Variants in LINGO2 observed in about 807,000 individuals in gnomAD.
LINGO2 encodes leucine rich repeat and Ig domain containing 2.
LINGO2 carries 14 observed loss-of-function variants against 30.6 expected under a neutral mutation model. The observed-to-expected ratio is 0.46, with a 90% CI of 0.30 to 0.72. LINGO2 has a LOEUF of 0.72. Among genes scored for constraint, LINGO2 ranks in the 30% least tolerant of loss-of-function variants. The pLI, the probability that LINGO2 is intolerant of heterozygous loss-of-function variation, is 0.07. For synonymous variants in LINGO2, 317 were observed against 288.5 expected, an observed-to-expected ratio of 1.10 and a Z score of -1.00; for missense variants, 729 against 751.7, an observed-to-expected ratio of 0.97 and a Z score of 0.35.
chr9:29,021,372 G>A, the LINGO2 span, among the ~76,000 whole-genome samples: 2 of 152,054 alleles, frequency 1.3e-5, no homozygotes, highest in Non-Finnish European at 1.5e-5. Flanking sequence ...GAAAAGCATC[G>A]ACTAGGCCAG....
chr9:28,789,407 T>C, the LINGO2 span, among the ~76,000 whole-genome samples: 1 of 152,178 alleles, frequency 6.6e-6, no homozygotes, highest in African/African-American at 2.4e-5. Context: ...TGAAATATAA[T>C]AAACAGTGTA....
chr9:28,209,255 ATAAC>A (rs1820511893), intron 4 of LINGO2, among the ~76,000 whole-genome samples: 1 of 152,042 alleles, frequency 6.6e-6, no homozygotes, highest in Non-Finnish European at 1.5e-5. Context: ...TATATATTGA[ATAAC>A]TGATATATAT....
chr9:28,719,876 G>C, the LINGO2 span, among the ~76,000 whole-genome samples: 1 of 151,888 alleles, frequency 6.6e-6, no homozygotes, highest in Non-Finnish European at 1.5e-5. Flanking sequence ...CAACTAACTT[G>C]CTTAATTATG....
At chr9:29,008,799 C>A in the LINGO2 span, among the ~76,000 whole-genome samples, 14 of 151,786 alleles carry the variant, frequency 9.2e-5, no homozygotes, top group African/African-American at 2.4e-4. Flanking sequence ...TGTAAAAAAA[C>A]GAATTCCAGC....
chr9:28,793,043 A>G, the LINGO2 span, among the ~76,000 whole-genome samples: 27 of 152,278 alleles, frequency 1.8e-4, no homozygotes, highest in Non-Finnish European at 3.2e-4. Context: ...ACCCTGCCAC[A>G]CACACCATGA....
chr9:28,045,466 A>G (rs1824377934), intron 4 of LINGO2, among the ~76,000 whole-genome samples: 1 of 152,180 alleles, frequency 6.6e-6, no homozygotes, highest in South Asian at 2.1e-4. Flanking sequence ...GTGTAATTTG[A>G]CTCTAATGCA....
chr9:28,238,868 A>T (rs974656989), intron 4 of LINGO2, among the ~76,000 whole-genome samples: 9 of 152,066 alleles, frequency 5.9e-5, no homozygotes, highest in African/African-American at 1.9e-4. Context: ...TTTTGAAAAG[A>T]TGAACAAAAT....
chr9:29,151,010 G>A, the LINGO2 span, among the ~76,000 whole-genome samples: 1 of 151,918 alleles, frequency 6.6e-6, no homozygotes, highest in South Asian at 2.1e-4. Context: ...GGCATCTAGA[G>A]AGATAGGTCA....
chr9:28,365,399 G>C (rs1415398886), intron 3 of LINGO2, among the ~76,000 whole-genome samples: 1 of 152,134 alleles, frequency 6.6e-6, no homozygotes, highest in Non-Finnish European at 1.5e-5. Flanking sequence ...ATATGACTAA[G>C]AGCTAAGAAC....
At position 28,347,736 on chromosome 9, in the gene LINGO2, C is replaced by A. The variant is rs368604701; in HGVS notation, c.-246+25100G>T. ...AATTTCTAGGGTATTACCCAGGCGT[C>A]ATTATTATTTTATTAAAGGTGTGCA... On this transcript the variant is annotated intron_variant, in intron 3 of 5. Transcript: ENST00000379992. 3.2e-4 allele frequency among the ~76,000 whole-genome samples: 49 copies of A among 152,268 alleles called. No individual in the cohort carries two copies. In the East Asian group the frequency reaches 9.3e-3, roughly 29 times the overall value.
chr9:28,756,093 G>A, the LINGO2 span, among the ~76,000 whole-genome samples: 1 of 152,008 alleles, frequency 6.6e-6, no homozygotes, highest in South Asian at 2.1e-4. Context: ...GAAATCACCT[G>A]ATCCATTCTA....
chr9:28,611,209 G>T (rs1423054064), intron 1 of LINGO2, among the ~76,000 whole-genome samples: 1 of 151,954 alleles, frequency 6.6e-6, no homozygotes, highest in East Asian at 1.9e-4. Context: ...GCTTTATTGA[G>T]GTATAATTGA....
intron 4 of LINGO2, among the ~76,000 whole-genome samples, chr9:28,201,744 T>G (rs1378432113): frequency 6.6e-6 from 1 of 152,058 alleles, no homozygotes; most frequent in Non-Finnish European, 1.5e-5. Context: ...CCTTCTCATA[T>G]TTAGTTCTTC....
At chr9:28,182,975 A>G (rs1008925481) in intron 4 of LINGO2, among the ~76,000 whole-genome samples, 2 of 152,242 alleles carry the variant, frequency 1.3e-5, no homozygotes, top group African/African-American at 4.8e-5. Context: ...CCAAAGGAAT[A>G]TAAATCATTC....
intron 4 of LINGO2, among the ~76,000 whole-genome samples, chr9:28,078,295 G>A (rs903548563): frequency 6.7e-6 from 1 of 148,910 alleles, no homozygotes; most frequent in Non-Finnish European, 1.5e-5. Flanking sequence ...CTGAGAGGAT[G>A]TGCAGTTTAG....
At chr9:28,834,674 T>C in the LINGO2 span, among the ~76,000 whole-genome samples, 2 of 152,200 alleles carry the variant, frequency 1.3e-5, no homozygotes, top group Non-Finnish European at 2.9e-5. Flanking sequence ...ACACTGACCT[T>C]ATTCTTCCTA....
chr9:28,369,211 C>T (rs1259213174), intron 3 of LINGO2, among the ~76,000 whole-genome samples: 2 of 152,150 alleles, frequency 1.3e-5, no homozygotes, highest in Non-Finnish European at 2.9e-5. Flanking sequence ...TCAGTTTCAA[C>T]CTTCTGTCAT....
intron 2 of LINGO2, among the ~76,000 whole-genome samples, chr9:28,454,189 CTCTCAGAT>C (rs1824755138): frequency 1.3e-5 from 2 of 152,056 alleles, no homozygotes; most frequent in African/African-American, 4.8e-5. Flanking sequence ...ACTTTATTAA[CTCTCAGAT>C]TCTCAGATTA....
chr9:28,918,093 TAA>T, the LINGO2 span, among the ~76,000 whole-genome samples: 21 of 148,782 alleles, frequency 1.4e-4, no homozygotes, highest in African/African-American at 5.2e-4. Context: ...ATGCTGCTGA[TAA>T]AGACATATCC....
Sources: allele counts gnomAD v4.1 joint callset (sites outside exome capture counted in the v4.1 genomes callset), GRCh38; gene constraint gnomAD v4.1.1; transcripts MANE v1.5; gene names NCBI Gene and HGNC (gene_info 2026-07-23, HGNC 2026-07-21).